CACNA1C: variants seen among roughly 807,000 people sequenced by gnomAD.
The protein encoded by CACNA1C is voltage-dependent L-type calcium channel subunit alpha-1C.
CACNA1C carries 30 observed loss-of-function variants against 229.0 expected under a neutral mutation model. The ratio of observed to expected loss-of-function variants is 0.13; its 90% CI spans 0.10 to 0.18. The LOEUF is 0.18. Ranked by LOEUF, CACNA1C falls within the 10% of genes least tolerant of loss-of-function variation. CACNA1C has a pLI of 1.00. For synonymous variants in CACNA1C, 1,114 were observed against 1,132.5 expected, an observed-to-expected ratio of 0.98 and a Z score of 0.33; for missense variants, 1,658 against 2,845.0, an observed-to-expected ratio of 0.58 and a Z score of 9.49.
chr12:2,558,881 A>G (rs2045992550), intron 11 of CACNA1C, among the ~76,000 whole-genome samples: 1 of 152,098 alleles, frequency 6.6e-6, no homozygotes, highest in Non-Finnish European at 1.5e-5. Context: ...TCTACATAAA[A>G]CATCTAGGGT....
At chr12:2,166,456 A>C (rs540914640) in intron 3 of CACNA1C, among the ~76,000 whole-genome samples, 1 of 152,316 alleles carries the variant, frequency 6.6e-6, no homozygotes, top group South Asian at 2.1e-4. Flanking sequence ...TCCCCATTCA[A>C]AGTGCCTCTA....
chr12:2,506,335 C>T (rs2099771803), intron 8 of CACNA1C, among the ~76,000 whole-genome samples: 1 of 152,176 alleles, frequency 6.6e-6, no homozygotes, highest in Admixed American at 6.5e-5. Context: ...AAAAATCAAC[C>T]TCATCACCCT....
intron 29 of CACNA1C, chr12:2,613,320 T>C (rs1016340632): frequency 6.6e-6 from 1 of 152,190 alleles, no homozygotes; most frequent in African/African-American, 2.4e-5. Flanking sequence ...CAGGATTAAT[T>C]GATCCACTGC....
intron 1 of CACNA1C, among the ~76,000 whole-genome samples, chr12:2,088,854 A>G (rs1052290911): frequency 6.6e-6 from 1 of 152,146 alleles, no homozygotes; most frequent in Non-Finnish European, 1.5e-5. Flanking sequence ...ACTGGTTACT[A>G]TATGTCACTG....
chr12:2,437,464 C>T (rs1465825707), intron 3 of CACNA1C, among the ~76,000 whole-genome samples: 1 of 152,250 alleles, frequency 6.6e-6, no homozygotes, highest in East Asian at 1.9e-4. Context: ...CATTCTGGCT[C>T]TACCACCTAC....
chr12:2,461,623 G>C (rs1281561458), intron 5 of CACNA1C, among the ~76,000 whole-genome samples: 2 of 152,140 alleles, frequency 1.3e-5, no homozygotes, highest in African/African-American at 2.4e-5. Context: ...TAAGTATCTT[G>C]CACTTAGCAA....
chr12:2,442,534 C>A (rs1358853848), intron 3 of CACNA1C, among the ~76,000 whole-genome samples: 2 of 152,246 alleles, frequency 1.3e-5, no homozygotes, highest in East Asian at 3.9e-4. Context: ...TGGCAGGGAT[C>A]CACCCACTGT....
intron 9 of CACNA1C, among the ~76,000 whole-genome samples, chr12:2,537,049 C>T (rs955681623): frequency 5.9e-5 from 9 of 152,168 alleles, no homozygotes; most frequent in Non-Finnish European, 1.3e-4. Flanking sequence ...CTGACTGCTT[C>T]CTTCTGCCCA....
chr12:2,315,751 C>T (rs562701395), intron 3 of CACNA1C, among the ~76,000 whole-genome samples: 4 of 152,266 alleles, frequency 2.6e-5, no homozygotes, highest in South Asian at 2.1e-4. Flanking sequence ...GTACAATTTC[C>T]GGAGCAAATG....
chr12:2,228,536 T>G (rs1208629504), intron 3 of CACNA1C, among the ~76,000 whole-genome samples: 1 of 152,190 alleles, frequency 6.6e-6, no homozygotes, highest in African/African-American at 2.4e-5. Context: ...TTCGTTCTCC[T>G]AAGAATCTGG....
chr12:2,650,809 G>T (rs2094879271), intron 31 of CACNA1C, among the ~76,000 whole-genome samples: 2 of 152,198 alleles, frequency 1.3e-5, no homozygotes, highest in Admixed American at 6.5e-5. Context: ...CTTCCCCAGG[G>T]CCCCTGAGGG....
intron 29 of CACNA1C, among the ~76,000 whole-genome samples, chr12:2,616,335 TC>T (rs1049588416): frequency 3.7e-4 from 56 of 152,308 alleles, no homozygotes; most frequent in African/African-American, 1.3e-3. Context: ...GTTTCTCTCA[TC>T]CCCCTACCCT....
At chr12:1,982,197 G>A (rs2036348106) in intron 1 of CACNA1C, among the ~76,000 whole-genome samples, 1 of 152,130 alleles carries the variant, frequency 6.6e-6, no homozygotes. Context: ...CAATTTGCTA[G>A]TATTTTTTCC....
At chr12:2,570,104 A>G (rs1164681664) in intron 13 of CACNA1C, among the ~76,000 whole-genome samples, 3 of 152,328 alleles carry the variant, frequency 2.0e-5, no homozygotes, top group Admixed American at 6.5e-5. Context: ...TAGAAGACAT[A>G]TGGGAAACAC....
rs1483624657 is a variant in CACNA1C, at chr12:2,054,341, G to A, written c.49+730G>A. Among the ~76,000 whole-genome samples the A allele has an allele frequency of 6.6e-6, 1 of 152,196 alleles. No homozygotes were observed. The highest frequency in any genetic ancestry group is 1.5e-5 in the Non-Finnish European group (1 of 68,042). On this transcript the variant is annotated intron_variant, in intron 1 of 46. Coordinates refer to ENST00000399655, the MANE Select transcript of CACNA1C (RefSeq NM_000719.7). This position sits in a 1 kb window ranked among gnomAD's most constrained non-coding sequence, Gnocchi z 5.5. ...CGTGTGTTCTCATTCGCACCCACAT[G>A]TGGGCTAGCACCTGAGGATGGAAGC... is the stretch of plus-strand genomic sequence containing the variant.
intron 3 of CACNA1C, among the ~76,000 whole-genome samples, chr12:2,340,182 A>G (rs2096822521): frequency 6.6e-6 from 1 of 152,262 alleles, no homozygotes; most frequent in African/African-American, 2.4e-5. Context: ...ATACAACTTT[A>G]TAATGTACAT....
chr12:2,684,505 G>A (rs1054737456), intron 43 of CACNA1C, among the ~76,000 whole-genome samples: 1 of 152,180 alleles, frequency 6.6e-6, no homozygotes, highest in African/African-American at 2.4e-5. Flanking sequence ...TTATTCTAGA[G>A]TGCTTGGTGC....
intron 3 of CACNA1C, among the ~76,000 whole-genome samples, chr12:2,241,868 T>G (rs2070502490): frequency 6.6e-6 from 1 of 152,190 alleles, no homozygotes; most frequent in African/African-American, 2.4e-5. Flanking sequence ...CGCAGTAAAT[T>G]TTTGAATGAA....
intron 1 of CACNA1C, among the ~76,000 whole-genome samples, chr12:2,043,601 C>A (rs913693237): frequency 2.0e-5 from 3 of 151,140 alleles, no homozygotes; most frequent in Non-Finnish European, 3.0e-5. Flanking sequence ...CTGAGAAGCT[C>A]ACTCTGCCAT....
Sources: gnomAD v4.1 joint callset for allele counts (sites outside exome capture counted in the v4.1 genomes callset) on GRCh38, gnomAD v4.1.1 for gene constraint, Gnocchi (gnomAD v3.1) non-coding constraint, MANE v1.5 for transcripts, NCBI Gene and HGNC (gene_info 2026-07-23, HGNC 2026-07-21) for gene names.